The following TCEA1 variants were observed in gnomAD, a reference collection of about 807,000 sequenced individuals.
TCEA1 encodes the protein transcription elongation factor A1.
TCEA1 carries 21 observed loss-of-function variants against 43.8 expected under a neutral mutation model. The observed-to-expected ratio is 0.48, with a 90% CI of 0.34 to 0.69. The LOEUF is 0.69. Ranked by LOEUF, TCEA1 falls within the 30% of genes least tolerant of loss-of-function variation. The pLI, the probability that TCEA1 is intolerant of heterozygous loss-of-function variation, is 0.01. For missense variants in TCEA1, 250 were observed against 365.1 expected, an observed-to-expected ratio of 0.68 and a Z score of 2.57; for synonymous variants, 104 against 117.5, an observed-to-expected ratio of 0.88 and a Z score of 0.75.
chr8:54,000,184 T>C (rs1445424896), intron 2 of TCEA1, 134 bp from the exon 3 acceptor site: 2 of 581,292 alleles, frequency 3.4e-6, no homozygotes, highest in African/African-American at 1.9e-5. Flanking sequence ...TGGATCCTTA[T>C]AATAGCAAAT....
Position 54,000,215 on chromosome 8 carries a change from T to G in TCEA1, c.127-165A>C, listed in dbSNP as rs1026149276. Among the ~76,000 whole-genome samples, 8 of 152,198 alleles carry G rather than the reference T, an allele frequency of 5.3e-5. No individual in the cohort carries two copies. The South Asian group carries it at 1.0e-3, about 20-fold the overall frequency. On this transcript the variant is annotated intron_variant, in intron 2 of 9. Coordinates refer to ENST00000521604, the MANE Select transcript of TCEA1 (RefSeq NM_006756.4). ...CAAATTATATTAAGATACATACATCTTCAGATCAAACACTAGACTCATTAA... is the reference window on the plus strand; with the variant it reads ...CAAATTATATTAAGATACATACATCGTCAGATCAAACACTAGACTCATTAA...
intron 2 of TCEA1, among the ~76,000 whole-genome samples, chr8:54,008,303 A>G (rs1208294217): frequency 6.6e-6 from 1 of 151,960 alleles, no homozygotes; most frequent in Non-Finnish European, 1.5e-5. Context: ...AACAATAAAT[A>G]AGGAAGTCAA....
intron 1 of TCEA1, among the ~76,000 whole-genome samples, chr8:54,014,784 T>C (rs1232364656): frequency 6.6e-6 from 1 of 152,196 alleles, no homozygotes; most frequent in Non-Finnish European, 1.5e-5. Context: ...GGTGTACATA[T>C]ATGACAGATT....
At chr8:53,994,997 T>G (rs1006163067) in intron 3 of TCEA1, among the ~76,000 whole-genome samples, 1 of 151,954 alleles carries the variant, frequency 6.6e-6, no homozygotes, top group African/African-American at 2.4e-5. Context: ...AGTCTTAAAT[T>G]TTAAAACTGG....
At chr8:54,010,155 C>T (rs1804606507) in intron 2 of TCEA1, 2 of 336,842 alleles carry the variant, frequency 5.9e-6, no homozygotes, top group Non-Finnish European at 1.1e-5. Context: ...GAGACCAAAT[C>T]AGGGCCAAGA....
intron 8 of TCEA1, chr8:53,972,555 C>T: frequency 1.8e-6 from 1 of 548,348 alleles, no homozygotes; most frequent in Non-Finnish European, 3.6e-6. Context: ...AAAAGATTTG[C>T]TGACTCTGTT....
At chr8:53,996,969 G>A (rs993058370) in intron 3 of TCEA1, among the ~76,000 whole-genome samples, 3 of 141,840 alleles carry the variant, frequency 2.1e-5, no homozygotes, top group South Asian at 2.3e-4. Flanking sequence ...GCGCGATCTC[G>A]GCTCAGTGCA....
chr8:53,979,061 A>G lies in TCEA1; in HGVS notation c.789T>C (p.Cys263=), dbSNP rs1322689291. ...TGCAATTCTTCTTTTTACATTTGCCACATGTGAACAAGTCAGTCTGGGTCC... is the reference window on the plus strand; with the variant it reads ...TGCAATTCTTCTTTTTACATTTGCCGCATGTGAACAAGTCAGTCTGGGTCC... ...TGGTQTDLFT[C]GKCKKKNCTY... Residue 263 remains cysteine, a synonymous_variant, in exon 8 of 10, where the codon TGT becomes TGC. Transcript: ENST00000521604. The G allele has an allele frequency of 1.2e-6, 2 of 1,612,914 alleles. No homozygotes were observed. Among genetic ancestry groups the G allele is most frequent in the Non-Finnish European group, 8.5e-7 (1 of 1,179,066 alleles).
At chr8:54,013,680 C>CAAAAAA (rs5891511) in intron 1 of TCEA1, among the ~76,000 whole-genome samples, 714 of 64,534 alleles carry the variant, frequency 0.011, no homozygotes, top group Non-Finnish European at 0.015. Context: ...AACTCCATCT[C>CAAAAAA]AAAAAAAAAA....
Position 54,012,894 on chromosome 8 carries a change from C to T in TCEA1, c.64-2402G>A, listed in dbSNP as rs146687933. Reference sequence around the variant, plus strand: ...GATTACATGAACCATGATCGTGCCACGGCAGTCTAGCCTGTGTGGACAGAG... The same window carrying T: ...GATTACATGAACCATGATCGTGCCATGGCAGTCTAGCCTGTGTGGACAGAG... On this transcript the variant is annotated intron_variant, in intron 1 of 9. Transcript: ENST00000521604. 3.2e-3 allele frequency among the ~76,000 whole-genome samples: 471 copies of T among 146,402 alleles called. 5 individuals are homozygous for T. The highest frequency in any genetic ancestry group is 7.8e-3 in the South Asian group (36 of 4,622).
At chr8:53,972,663 T>A (rs1232922844) in intron 8 of TCEA1, 2 of 622,282 alleles carry the variant, frequency 3.2e-6, no homozygotes, top group African/African-American at 3.6e-5. Flanking sequence ...AGTTTGAGGA[T>A]CAGTAGAGCT....
At chr8:54,000,661 A>C (rs1434008414) in intron 2 of TCEA1, among the ~76,000 whole-genome samples, 3 of 152,200 alleles carry the variant, frequency 2.0e-5, no homozygotes, top group African/African-American at 7.2e-5. Context: ...ACAACCCTTC[A>C]AAGTTGAGAT....
chr8:54,008,777 T>C (rs1210242856), intron 2 of TCEA1, among the ~76,000 whole-genome samples: 1 of 151,594 alleles, frequency 6.6e-6, no homozygotes, highest in Admixed American at 6.6e-5. Context: ...ATTGGAGAAA[T>C]GCAAATAAAA....
rs181297985 is a variant in TCEA1 at position 53,984,253 on chromosome 8, G to A, written c.678+110C>T. On this transcript the variant is annotated intron_variant, in intron 7 of 9. Coordinates refer to ENST00000521604, the MANE Select transcript of TCEA1 (RefSeq NM_006756.4). ...TAGTATATAAATATATCAGAATAAC[G>A]GAAATTTATTACATATGCAATATTT... is the stretch of plus-strand genomic sequence containing the variant. 781 of 1,056,490 alleles carry A rather than the reference G, an allele frequency of 7.4e-4. 1 individual carries two copies. Among genetic ancestry groups the A allele is most frequent in the Non-Finnish European group, 9.5e-4 (734 of 769,324 alleles). The allele number at this position is 1,056,490 out of a possible 1,614,324, so 65.4% of individuals were successfully genotyped here. A position where few individuals can be genotyped will look rare whatever the true frequency, so the allele number is the denominator to read the frequency against.
chr8:53,987,740 A>G (rs1369222052), intron 5 of TCEA1, among the ~76,000 whole-genome samples: 2 of 152,202 alleles, frequency 1.3e-5, no homozygotes, highest in African/African-American at 2.4e-5. Context: ...CATTCATACT[A>G]TATGTCATAC....
intron 7 of TCEA1, among the ~76,000 whole-genome samples, chr8:53,982,613 CAA>C (rs558788906): frequency 6.9e-3 from 401 of 57,790 alleles, no homozygotes; most frequent in African/African-American, 0.024. Flanking sequence ...CATTCCCCAC[CAA>C]AAAAAAAAAA....
chr8:53,992,040 A>C (rs1398366355), intron 4 of TCEA1, among the ~76,000 whole-genome samples: 1 of 151,984 alleles, frequency 6.6e-6, no homozygotes, highest in Non-Finnish European at 1.5e-5. Context: ...GGCTGGGTGC[A>C]GTGGCTTACG....
intron 3 of TCEA1, among the ~76,000 whole-genome samples, chr8:53,997,239 T>G (rs557142017): frequency 6.3e-4 from 96 of 152,226 alleles, no homozygotes; most frequent in African/African-American, 2.2e-3. Flanking sequence ...AATGATGATT[T>G]TATAAGTATT....
At position 54,000,337 on chromosome 8, in the gene TCEA1, G is replaced by A. The variant is rs143996622; in HGVS notation, c.127-287C>T. The stretch of plus-strand genomic sequence containing the variant: ...ATCAATCTTTCCACAAGGGAGAAGT[G>A]AAGATAAACGAGGATAAAATATATA... On this transcript the variant is annotated intron_variant, in intron 2 of 9. Transcript: ENST00000521604. Among the ~76,000 whole-genome samples, 435 of 152,266 alleles carry A rather than the reference G, an allele frequency of 2.9e-3. No homozygotes were observed. The Middle Eastern group carries it at 0.031, about 11-fold the overall frequency.
Sources: allele counts gnomAD v4.1 joint callset (sites outside exome capture counted in the v4.1 genomes callset), GRCh38; gene constraint gnomAD v4.1.1; transcripts MANE v1.5; gene names NCBI Gene and HGNC (gene_info 2026-07-23, HGNC 2026-07-21).